Variants in LPP observed in about 807,000 individuals in gnomAD.
The protein encoded by LPP is LIM domain containing preferred translocation partner in lipoma, also known as lipoma-preferred partner.
LPP carries 38 observed loss-of-function variants against 60.4 expected under a neutral mutation model. That is an observed-to-expected ratio of 0.63 (90% confidence interval 0.49 to 0.83). The LOEUF (loss-of-function observed/expected upper bound fraction) is 0.83. Ranked by LOEUF, LPP falls within the 40% of genes least tolerant of loss-of-function variation. The pLI, the probability that LPP is intolerant of heterozygous loss-of-function variation, is 0.00. For missense variants in LPP, 902 were observed against 783.6 expected (o/e 1.15, Z -1.80); for synonymous variants, 328 against 290.8 (o/e 1.13, Z -1.30).
chr3:188,822,580 A>G (rs191765087), intron 9 of LPP, among the ~76,000 whole-genome samples: 1 of 152,320 alleles, frequency 6.6e-6, no homozygotes, highest in Non-Finnish European at 1.5e-5. Context: ...GGAGGCCCCC[A>G]GTCTTTCTCA....
chr3:188,431,435 A>G (rs1021592024), intron 4 of LPP, among the ~76,000 whole-genome samples: 2 of 152,192 alleles, frequency 1.3e-5, no homozygotes, highest in Non-Finnish European at 2.9e-5. Flanking sequence ...AGCACGAGAC[A>G]GAGTATAAAG....
chr3:188,371,738 T>C (rs1773311822), intron 3 of LPP, among the ~76,000 whole-genome samples: 1 of 136,848 alleles, frequency 7.3e-6, no homozygotes, highest in South Asian at 2.5e-4. Context: ...CACCACAACC[T>C]CTGCTTCCTG....
chr3:188,418,672 G>GA (rs774246990), intron 4 of LPP, among the ~76,000 whole-genome samples: 1 of 152,096 alleles, frequency 6.6e-6, no homozygotes, highest in Non-Finnish European at 1.5e-5. Flanking sequence ...AATAATGTGT[G>GA]AAAATTGCTT....
intron 1 of LPP, among the ~76,000 whole-genome samples, chr3:188,157,894 A>C (rs189438230): frequency 1.2e-4 from 19 of 152,306 alleles, no homozygotes; most frequent in Admixed American, 2.0e-4. Flanking sequence ...AGATAGTAGC[A>C]GATGCAGAAG....
intron 7 of LPP, among the ~76,000 whole-genome samples, chr3:188,698,147 T>TGC (rs139162392): frequency 0.04 from 6,054 of 152,228 alleles, 177 homozygotes; most frequent in South Asian, 0.11. Flanking sequence ...ACTAGCCCAT[T>TGC]GCATTCTTCC....
rs115320115 is a variant in LPP at position 188,260,570 on chromosome 3, T to C, written c.-67+35043T>C. 4.7e-3 allele frequency among the ~76,000 whole-genome samples: 715 copies of C among 152,156 alleles called. 7 individuals are homozygous for C. Among genetic ancestry groups the C allele is most frequent in the African/African-American group, 0.016 (672 of 41,488 alleles). ...CACTGATAGAAACCAAGATAGAAAT[T>C]GTCACTATTGCTATAGCCCCAAGAA... On this transcript the variant is annotated intron_variant, in intron 2 of 11. Transcript: ENST00000617246.
intron 2 of LPP, among the ~76,000 whole-genome samples, chr3:188,243,560 G>A (rs1309895901): frequency 2.0e-5 from 3 of 152,068 alleles, no homozygotes; most frequent in East Asian, 1.9e-4. Flanking sequence ...CTAAAATCTC[G>A]TGATCTGTTT....
chr3:188,634,176 G>A lies in LPP; in HGVS notation c.1113+24332G>A, dbSNP rs1227343585. Among the ~76,000 whole-genome samples, 9 of 152,150 alleles carry A rather than the reference G, an allele frequency of 5.9e-5. No individual in the cohort carries two copies. In the South Asian group the frequency reaches 6.2e-4, roughly 11 times the overall value. ...CTTTCTTTTCGTTTCTTTTCTCAGCGATTCAAATGACCACTCTGATATTTT... is the reference window on the plus strand; with the variant it reads ...CTTTCTTTTCGTTTCTTTTCTCAGCAATTCAAATGACCACTCTGATATTTT... On this transcript the variant is annotated intron_variant, in intron 7 of 11. Coordinates refer to ENST00000617246, the MANE Select transcript of LPP (RefSeq NM_001375462.1).
At chr3:188,850,843 C>T (rs1477373769) in intron 9 of LPP, among the ~76,000 whole-genome samples, 1 of 152,090 alleles carries the variant, frequency 6.6e-6, no homozygotes, top group East Asian at 1.9e-4. Context: ...AGACCTTGGG[C>T]AGACAAAGGT....
intron 4 of LPP, among the ~76,000 whole-genome samples, chr3:188,478,631 C>T (rs980577081): frequency 2.6e-5 from 4 of 152,054 alleles, no homozygotes; most frequent in Admixed American, 2.0e-4. Context: ...ATAGAATTGC[C>T]TTGCCTGAAA....
chr3:188,477,943 G>A lies in LPP; in HGVS notation c.194-6649G>A, dbSNP rs546994845. On this transcript the variant is annotated intron_variant, in intron 4 of 11. Transcript: ENST00000617246. ...TTCACCCAAGGTGCTTTCTGGTACA[G>A]TTTTCTTGGTGGCACACATATTTTG... Among the ~76,000 whole-genome samples the A allele has an allele frequency of 7.9e-5, 12 of 152,210 alleles. 1 individual carries two copies. In the South Asian group the frequency reaches 2.5e-3, roughly 32 times the overall value.
At chr3:188,295,686 G>A (rs978231297) in intron 2 of LPP, among the ~76,000 whole-genome samples, 1 of 152,060 alleles carries the variant, frequency 6.6e-6, no homozygotes, top group Non-Finnish European at 1.5e-5. Context: ...CAACAGGCAT[G>A]CACCACTGTG....
chr3:188,543,737 G>A (rs1480542403), intron 6 of LPP, among the ~76,000 whole-genome samples: 1 of 152,044 alleles, frequency 6.6e-6, no homozygotes, highest in Admixed American at 6.6e-5. Flanking sequence ...AATGTGGAGG[G>A]GACAGCCCAT....
chr3:188,859,997 A>G lies in LPP; in HGVS notation c.1411-6203A>G, dbSNP rs966696453. On this transcript the variant is annotated intron_variant, in intron 9 of 11. Coordinates refer to ENST00000617246, the MANE Select transcript of LPP (RefSeq NM_001375462.1). Reference sequence around the variant, plus strand: ...GAGATTATTATTTTCAGTCTGTTTCAAAACACACATTACATGCAGATACAA... The same window carrying G: ...GAGATTATTATTTTCAGTCTGTTTCGAAACACACATTACATGCAGATACAA... Among the ~76,000 whole-genome samples, 4 of 152,182 alleles carry G rather than the reference A, an allele frequency of 2.6e-5. No homozygotes were observed. In the South Asian group the frequency reaches 8.3e-4, roughly 31 times the overall value.
At chr3:188,207,560 C>G (rs1733631421) in intron 1 of LPP, among the ~76,000 whole-genome samples, 1 of 151,328 alleles carries the variant, frequency 6.6e-6, no homozygotes, top group African/African-American at 2.4e-5. Flanking sequence ...TTTTAACTTG[C>G]TGGTCTTTGT....
rs1770911117 is a variant in LPP, at chr3:188,888,332, T to C, written c.*13853T>C. ...GTGAAGATACAGAGCCTGAGGATAG[T>C]AATTTTCCCTGAGCCACGCACACAG... is the stretch of plus-strand genomic sequence containing the variant. On this transcript the variant is annotated 3_prime_UTR_variant, in exon 12 of 12. Transcript: ENST00000617246. 2 of 227,830 alleles carry C rather than the reference T, an allele frequency of 8.8e-6. No individual in the cohort carries two copies. The allele number at this position is 227,830 out of a possible 1,614,324, so 14.1% of individuals were successfully genotyped here.
rs540743179 is a variant in LPP at position 188,742,984 on chromosome 3, T to A, written c.1241-17129T>A. 3.9e-5 allele frequency among the ~76,000 whole-genome samples: 6 copies of A among 152,198 alleles called. No individual in the cohort carries two copies. In the Middle Eastern group the frequency reaches 0.02, roughly 518 times the overall value. On this transcript the variant is annotated intron_variant, in intron 8 of 11. Transcript: ENST00000617246. Reference sequence around the variant, plus strand: ...GATCCTCTACAAGGTCCAGGTTAGGTTTCTTTAAAGGATGGCAAGAACCTG... The same window carrying A: ...GATCCTCTACAAGGTCCAGGTTAGGATTCTTTAAAGGATGGCAAGAACCTG...
intron 6 of LPP, among the ~76,000 whole-genome samples, chr3:188,551,462 T>C (rs1418474858): frequency 1.3e-5 from 2 of 152,224 alleles, no homozygotes; most frequent in East Asian, 3.8e-4. Context: ...TAATTGCTTA[T>C]ATACTATCTA....
At chr3:188,865,380 C>G (rs892137109) in intron 9 of LPP, among the ~76,000 whole-genome samples, 7 of 152,164 alleles carry the variant, frequency 4.6e-5, no homozygotes, top group Non-Finnish European at 7.4e-5. Context: ...CAAGAGTTTG[C>G]AAACTCTAAA....
Sources: gnomAD v4.1 joint callset for allele counts (sites outside exome capture counted in the v4.1 genomes callset) on GRCh38, gnomAD v4.1.1 for gene constraint, MANE v1.5 for transcripts, NCBI Gene and HGNC (gene_info 2026-07-23, HGNC 2026-07-21) for gene names.